The following MYO18B variants were observed in gnomAD, a reference collection of about 807,000 sequenced individuals.
MYO18B encodes the protein unconventional myosin-XVIIIb.
MYO18B carries 204 observed loss-of-function variants against 273.0 expected under a neutral mutation model. The observed-to-expected ratio is 0.75, with a 90% CI of 0.67 to 0.84. MYO18B has a LOEUF of 0.84. Ranked by LOEUF, MYO18B falls within the 40% of genes least tolerant of loss-of-function variation. The probability of loss-of-function intolerance (pLI) is 0.00; values close to 1 mark genes in which losing one functional copy is unlikely to be tolerated. For synonymous variants in MYO18B, 1,330 were observed against 1,305.7 expected (o/e 1.02, Z -0.40); for missense variants, 3,212 against 3,287.6 (o/e 0.98, Z 0.56).
chr22:25,780,133 C>T lies in MYO18B; in HGVS notation c.2146C>T (p.Arg716Trp), dbSNP rs370669904. 91 of 1,605,400 alleles carry T rather than the reference C, an allele frequency of 5.7e-5. No homozygotes were observed. Among genetic ancestry groups the T allele is most frequent in the Middle Eastern group, 1.7e-4 (1 of 6,054 alleles). The change falls in exon 9 of 44, where the codon CGG becomes TGG. Residue 716 changes from arginine to tryptophan, a missense_variant. By Grantham distance (101) the Arg-to-Trp change is moderately radical. Transcript: ENST00000335473. ...VSMAHSRSAT[R>W]FSMVMSLDFN... is the part of the protein sequence containing the mutation. ...CATGGCCCACAGCCGCAGTGCCACC[C>T]GGTTCTCCATGGTGATGTCGCTGGA...
chr22:26,063,507 G>T, the MYO18B span, among the ~76,000 whole-genome samples: 1 of 152,266 alleles, frequency 6.6e-6, no homozygotes, highest in African/African-American at 2.4e-5. Flanking sequence ...CCCCATATCA[G>T]GTAGCCAGAG....
chr22:25,890,722 G>T (rs368611663), intron 25 of MYO18B, 34 bp from the exon 26 acceptor site: 1 of 1,611,602 alleles, frequency 6.2e-7, no homozygotes, highest in African/African-American at 1.3e-5. Context: ...TCCATCGAGT[G>T]ACCGTTCCTT....
chr22:25,754,177 A>G (rs1460241776), intron 1 of MYO18B, among the ~76,000 whole-genome samples: 2 of 152,204 alleles, frequency 1.3e-5, no homozygotes, highest in Non-Finnish European at 2.9e-5. Flanking sequence ...TTAAGCTGCA[A>G]TTTAAATAGG....
At chr22:25,961,515 T>C (rs1043406958) in intron 39 of MYO18B, among the ~76,000 whole-genome samples, 4 of 152,218 alleles carry the variant, frequency 2.6e-5, no homozygotes, top group African/African-American at 9.6e-5. Context: ...TCCTGGAGAC[T>C]CCAGGAGCCA....
downstream of MYO18B, among the ~76,000 whole-genome samples, chr22:26,035,884 T>C (rs5997026): frequency 0.31 from 46,773 of 152,052 alleles, 10,919 homozygotes; most frequent in African/African-American, 0.66. Flanking sequence ...TCCAGGAGGC[T>C]CAAAGGTCAA....
chr22:25,903,059 C>G, intron 30 of MYO18B: 1 of 275,102 alleles, frequency 3.6e-6, no homozygotes, highest in South Asian at 4.7e-5. Flanking sequence ...CTGGTCCAAG[C>G]AGGCTCCAAT....
chr22:25,762,253 G>C (rs1033118483), intron 2 of MYO18B, among the ~76,000 whole-genome samples: 1 of 152,248 alleles, frequency 6.6e-6, no homozygotes, highest in East Asian at 1.9e-4. Context: ...GCATTCACCA[G>C]CTTTATCCCA....
intron 20 of MYO18B, 129 bp from the exon 21 acceptor site, chr22:25,851,341 T>A (rs2090420915): frequency 1.5e-6 from 1 of 648,988 alleles, no homozygotes; most frequent in Non-Finnish European, 2.8e-6. Context: ...AAGAGATGAG[T>A]CCATGCAGCA....
chr22:26,063,152 C>G, the MYO18B span, among the ~76,000 whole-genome samples: 1 of 152,112 alleles, frequency 6.6e-6, no homozygotes, highest in Non-Finnish European at 1.5e-5. Flanking sequence ...CTTGGTGCAA[C>G]TAGAAAACAA....
Position 26,027,569 on chromosome 22 carries a change from G to A in MYO18B, c.7595G>A (p.Arg2532Gln), listed in dbSNP as rs34875296. Residue 2532 changes from arginine to glutamine, a missense_variant, in exon 43 of 44, where the codon CGA (arginine) becomes CAA (glutamine). Transcript: ENST00000335473. This position sits in a 1 kb window ranked among gnomAD's most constrained non-coding sequence, Gnocchi z 4.1. ...DSIKSRPGIP[R>Q]LAGDGGERTS... ...ATCAAAAGTCGACCAGGAATCCCAC[G>A]ACTTGCGGGTGACGGTGGCGAGCGA... 5.3e-3 allele frequency: 8,555 copies of A among 1,613,956 alleles called. 352 individuals carry two copies. In the African/African-American group the frequency reaches 0.09, roughly 17 times the overall value.
chr22:25,753,827 A>G (rs898747646), intron 1 of MYO18B, among the ~76,000 whole-genome samples: 3 of 152,212 alleles, frequency 2.0e-5, no homozygotes, highest in African/African-American at 7.2e-5. Flanking sequence ...AGAAGGAACA[A>G]ACTCTGGATA....
intron 15 of MYO18B, among the ~76,000 whole-genome samples, chr22:25,829,837 CA>C (rs988246140): frequency 9.3e-5 from 14 of 150,752 alleles, no homozygotes; most frequent in Non-Finnish European, 1.6e-4. Context: ...GACTCCATCT[CA>C]AAAAATAATA....
the MYO18B span, among the ~76,000 whole-genome samples, chr22:26,042,852 G>A: frequency 2.0e-5 from 3 of 152,322 alleles, no homozygotes; most frequent in Admixed American, 1.3e-4. Flanking sequence ...TCATGGCACC[G>A]GACCTTGGTG....
At chr22:26,018,652 G>A (rs562385580) in intron 42 of MYO18B, among the ~76,000 whole-genome samples, 7 of 152,236 alleles carry the variant, frequency 4.6e-5, no homozygotes, top group South Asian at 2.1e-4. Context: ...AACCCACCTC[G>A]TCAAGAAAGG....
intron 1 of MYO18B, among the ~76,000 whole-genome samples, chr22:25,744,546 A>G (rs960991930): frequency 1.3e-5 from 2 of 152,106 alleles, no homozygotes; most frequent in Non-Finnish European, 1.5e-5. Context: ...CCTGGCTAAC[A>G]CGGTGAAACC....
At chr22:25,753,604 C>T (rs1011172811) in intron 1 of MYO18B, among the ~76,000 whole-genome samples, 1 of 152,190 alleles carries the variant, frequency 6.6e-6, no homozygotes, top group Non-Finnish European at 1.5e-5. Context: ...TGGGTCTACG[C>T]TGCGTGTGTG....
chr22:25,915,440 G>A (rs189938445), intron 33 of MYO18B, among the ~76,000 whole-genome samples: 21 of 151,930 alleles, frequency 1.4e-4, no homozygotes, highest in African/African-American at 4.9e-4. Context: ...TGACACAGTG[G>A]TAAGTATTTG....
intron 40 of MYO18B, among the ~76,000 whole-genome samples, chr22:25,994,545 CA>C (rs1331371015): frequency 6.6e-6 from 1 of 152,086 alleles, no homozygotes; most frequent in African/African-American, 2.4e-5. Context: ...AAAAATTATT[CA>C]ATTTGTGCAA....
intron 43 of MYO18B, among the ~76,000 whole-genome samples, chr22:26,029,481 T>G (rs1310434293): frequency 6.6e-6 from 1 of 152,200 alleles, no homozygotes; most frequent in Non-Finnish European, 1.5e-5. Flanking sequence ...TACATTATTA[T>G]GCTCTCGGGG....
Sources: gnomAD v4.1 joint callset for allele counts (sites outside exome capture counted in the v4.1 genomes callset) on GRCh38, gnomAD v4.1.1 for gene constraint, Gnocchi (gnomAD v3.1) non-coding constraint, MANE v1.5 for transcripts, NCBI Gene and HGNC (gene_info 2026-07-23, HGNC 2026-07-21) for gene names.